Variants in STK32B observed in about 807,000 individuals in gnomAD.
STK32B encodes serine/threonine kinase 32B, also known as serine/threonine-protein kinase 32B.
In STK32B, 43 loss-of-function variants were observed where a neutral mutation model predicts 52.6. The observed-to-expected ratio is 0.82, with a 90% CI of 0.64 to 1.05. STK32B has a LOEUF of 1.05. STK32B is among the 50% of genes least tolerant of loss of function. STK32B has a pLI of 0.00. For synonymous variants in STK32B, 238 were observed against 204.3 expected, an observed-to-expected ratio of 1.17 and a Z score of -1.41; for missense variants, 621 against 534.6, an observed-to-expected ratio of 1.16 and a Z score of -1.59.
At chr4:5,309,703 C>A (rs1320110874) in intron 3 of STK32B, among the ~76,000 whole-genome samples, 2 of 152,120 alleles carry the variant, frequency 1.3e-5, no homozygotes, top group Non-Finnish European at 2.9e-5. Flanking sequence ...AACCTAGACA[C>A]CTATCTCTCA....
chr4:5,295,045 T>A (rs924635665), intron 3 of STK32B, among the ~76,000 whole-genome samples: 27 of 152,216 alleles, frequency 1.8e-4, no homozygotes, highest in African/African-American at 6.3e-4. Context: ...GTGGTTTTTG[T>A]CATTGGCTAT....
intron 5 of STK32B, among the ~76,000 whole-genome samples, chr4:5,409,015 C>G (rs1737853777): frequency 6.6e-6 from 1 of 152,124 alleles, no homozygotes; most frequent in African/African-American, 2.4e-5. Flanking sequence ...TTGGGTGAGA[C>G]AGTCACTTTC....
chr4:5,195,686 G>A (rs56407606), intron 3 of STK32B, among the ~76,000 whole-genome samples: 14,850 of 152,180 alleles, frequency 0.098, 876 homozygotes, highest in Non-Finnish European at 0.13. Context: ...GTGAGACTCC[G>A]TCTCAAAGAA....
At chr4:5,350,495 A>G (rs1389663744) in intron 4 of STK32B, among the ~76,000 whole-genome samples, 2 of 151,888 alleles carry the variant, frequency 1.3e-5, no homozygotes, top group African/African-American at 4.8e-5. Flanking sequence ...GTAAAACAAC[A>G]CACAAACAAA....
At chr4:5,283,880 C>T (rs956373126) in intron 3 of STK32B, among the ~76,000 whole-genome samples, 9 of 151,774 alleles carry the variant, frequency 5.9e-5, no homozygotes, top group Admixed American at 4.6e-4. Flanking sequence ...AGGCCACTAA[C>T]TAAAAACAAA....
intron 4 of STK32B, among the ~76,000 whole-genome samples, chr4:5,356,774 A>T (rs1455672477): frequency 1.3e-5 from 2 of 152,140 alleles, no homozygotes; most frequent in African/African-American, 2.4e-5. Flanking sequence ...AGGCAGGTGT[A>T]TCACCTGGGG....
intron 6 of STK32B, among the ~76,000 whole-genome samples, chr4:5,420,992 C>G (rs954137965): frequency 2.0e-5 from 3 of 152,148 alleles, no homozygotes; most frequent in African/African-American, 7.2e-5. Context: ...CTCTGCCTCC[C>G]AGGTTCAGGC....
At chr4:5,353,963 C>T (rs1184209310) in intron 4 of STK32B, among the ~76,000 whole-genome samples, 3 of 152,084 alleles carry the variant, frequency 2.0e-5, no homozygotes, top group Non-Finnish European at 4.4e-5. Flanking sequence ...TTCACAATTG[C>T]GAAGATACGG....
At chr4:5,183,615 C>G (rs996254615) in intron 3 of STK32B, among the ~76,000 whole-genome samples, 1 of 152,162 alleles carries the variant, frequency 6.6e-6, no homozygotes, top group Non-Finnish European at 1.5e-5. Flanking sequence ...GTGGAGCATT[C>G]AGAACACACA....
rs1337380581 is a variant in STK32B, at chr4:5,170,930, T to G, written c.260+2480T>G. 2.0e-5 allele frequency among the ~76,000 whole-genome samples: 3 copies of G among 152,320 alleles called. No individual in the cohort carries two copies. In the East Asian group the frequency reaches 5.8e-4, roughly 29 times the overall value. Reference sequence around the variant, plus strand: ...AACTAGTTTACAGTCCCACCAACAGTGTAAAAGTCCTATTTCTCCACATCC... The same window carrying G: ...AACTAGTTTACAGTCCCACCAACAGGGTAAAAGTCCTATTTCTCCACATCC... On this transcript the variant is annotated intron_variant, in intron 3 of 11. Coordinates refer to ENST00000282908, the MANE Select transcript of STK32B (RefSeq NM_018401.3).
intron 1 of STK32B, among the ~76,000 whole-genome samples, chr4:5,081,746 CTT>C (rs1227582460): frequency 6.6e-6 from 1 of 152,132 alleles, no homozygotes; most frequent in Non-Finnish European, 1.5e-5. Context: ...CTTTCCATCT[CTT>C]TGTTAAACTT....
chr4:5,117,966 T>C (rs1214580589), intron 1 of STK32B, among the ~76,000 whole-genome samples: 1 of 152,218 alleles, frequency 6.6e-6, no homozygotes, highest in Non-Finnish European at 1.5e-5. Context: ...TAGAATTTTG[T>C]TGAGGATTTT....
chr4:5,158,356 G>A (rs1718031289), intron 2 of STK32B, among the ~76,000 whole-genome samples: 1 of 152,148 alleles, frequency 6.6e-6, no homozygotes, highest in Non-Finnish European at 1.5e-5. Flanking sequence ...CTGACACTGT[G>A]ATGTCCTTCA....
At chr4:5,218,152 G>T (rs535806526) in intron 3 of STK32B, among the ~76,000 whole-genome samples, 11 of 152,228 alleles carry the variant, frequency 7.2e-5, no homozygotes, top group Middle Eastern at 6.8e-3. Context: ...CACTTCTGCT[G>T]CATGCCACTG....
At chr4:5,040,627 C>T in the STK32B span, among the ~76,000 whole-genome samples, 1 of 152,104 alleles carries the variant, frequency 6.6e-6, no homozygotes, top group Admixed American at 6.5e-5. Context: ...CGCTTGACCT[C>T]GTAATCTGCC....
At chr4:5,442,940 T>C (rs895068755) in intron 6 of STK32B, among the ~76,000 whole-genome samples, 22 of 152,116 alleles carry the variant, frequency 1.4e-4, no homozygotes, top group African/African-American at 5.3e-4. Context: ...GCCCCCACTC[T>C]CTTCTGGCTT....
At chr4:5,348,954 C>G (rs1245128273) in intron 4 of STK32B, among the ~76,000 whole-genome samples, 2 of 152,216 alleles carry the variant, frequency 1.3e-5, no homozygotes, top group East Asian at 3.9e-4. Flanking sequence ...CAGGTACCCA[C>G]CCACATGTGC....
At chr4:5,251,096 A>G (rs573826817) in intron 3 of STK32B, among the ~76,000 whole-genome samples, 2 of 152,246 alleles carry the variant, frequency 1.3e-5, no homozygotes, top group Non-Finnish European at 2.9e-5. Context: ...GTTTTGTTGC[A>G]ATTGCTTTTG....
intron 5 of STK32B, among the ~76,000 whole-genome samples, chr4:5,409,491 G>T (rs6834313): frequency 6.6e-6 from 1 of 152,154 alleles, no homozygotes; most frequent in Admixed American, 6.5e-5. Flanking sequence ...ACTAATGAAC[G>T]TCAGAAGCTA....
Sources: gnomAD v4.1 joint callset for allele counts (sites outside exome capture counted in the v4.1 genomes callset) on GRCh38, gnomAD v4.1.1 for gene constraint, MANE v1.5 for transcripts, NCBI Gene and HGNC (gene_info 2026-07-23, HGNC 2026-07-21) for gene names.